The following RPL22L1 variants were observed in gnomAD, a reference collection of about 807,000 sequenced individuals.
The protein encoded by RPL22L1 is ribosomal protein eL22-like.
Under a neutral mutation model 17.3 loss-of-function variants are expected in RPL22L1, and 19 were observed. That is an observed-to-expected ratio of 1.10 (90% confidence interval 0.77 to 1.61). The LOEUF (loss-of-function observed/expected upper bound fraction) is 1.61. RPL22L1 is among the 40% of genes most tolerant of loss of function. The pLI, the probability that RPL22L1 is intolerant of heterozygous loss-of-function variation, is 0.00. For missense variants in RPL22L1, 139 were observed against 144.4 expected, an observed-to-expected ratio of 0.96 and a Z score of 0.19; for synonymous variants, 48 against 48.5, an observed-to-expected ratio of 0.99 and a Z score of 0.05.
In RPL22L1 at chr3:170,865,294, T is replaced by C. The variant is rs144086181; in HGVS notation, c.*1086A>G. 2 of 152,364 alleles carry C rather than the reference T, an allele frequency of 1.3e-5. No homozygotes were observed. The highest frequency in any genetic ancestry group is 4.8e-5 in the African/African-American group (2 of 41,592). The allele number at this position is 152,364 out of a possible 1,614,324, so 9.4% of individuals were successfully genotyped here. A position where few individuals can be genotyped will look rare whatever the true frequency, so the allele number is the denominator to read the frequency against. ...GATATGTTTGGCGACACAATTCTATTAGCATCAAGACTCATCTAAGTACCT... is the reference window on the plus strand; with the variant it reads ...GATATGTTTGGCGACACAATTCTATCAGCATCAAGACTCATCTAAGTACCT... On this transcript the variant is annotated 3_prime_UTR_variant, in exon 4 of 4. Coordinates refer to ENST00000295830, the MANE Select transcript of RPL22L1 (RefSeq NM_001099645.2).
intron 3 of RPL22L1, 21 bp downstream of exon 3, chr3:170,867,992 A>G: frequency 6.4e-7 from 1 of 1,552,166 alleles, no homozygotes; most frequent in South Asian, 1.2e-5. Flanking sequence ...TAGTTTTATT[A>G]AAATTTGCAA....
chr3:170,865,121 C>T lies in RPL22L1; in HGVS notation c.*1259G>A, dbSNP rs1385683084. 1 of 152,204 alleles carries T rather than the reference C, an allele frequency of 6.6e-6. No homozygotes were observed. The highest frequency in any genetic ancestry group is 1.5e-5 in the Non-Finnish European group (1 of 68,044). The allele number at this position is 152,204 out of a possible 1,614,324, so 9.4% of individuals were successfully genotyped here. A position where few individuals can be genotyped will look rare whatever the true frequency, so the allele number is the denominator to read the frequency against. On this transcript the variant is annotated 3_prime_UTR_variant, in exon 4 of 4. Coordinates refer to ENST00000295830, the MANE Select transcript of RPL22L1 (RefSeq NM_001099645.2). The stretch of plus-strand genomic sequence containing the variant: ...GAGCCAAGTTAGGAAGTTCAGTCAT[C>T]CAAGAATCAAGGAGTTGCTGCACTG...
intron 2 of RPL22L1, 55 bp from the exon 3 acceptor site, chr3:170,868,189 T>C (rs1368366191): frequency 1.9e-6 from 3 of 1,565,194 alleles, no homozygotes; most frequent in Non-Finnish European, 2.6e-6. Context: ...AGATATTCAC[T>C]AGGGAAGGTA....
chr3:170,866,854 C>G (rs115712328), intron 3 of RPL22L1, among the ~76,000 whole-genome samples: 314 of 152,272 alleles, frequency 2.1e-3, no homozygotes, highest in African/African-American at 7.3e-3. Flanking sequence ...TCCTTCACCA[C>G]TATCAAGCCC....
At position 170,868,063 on chromosome 3, in the gene RPL22L1, T is replaced by C. The variant is rs1220254210; in HGVS notation, c.174A>G (p.Glu58=). ...CAACTGTGATTTTATTCTTGAAGCG[T>C]TCAATGTGAACAACATTCCCGAGAT... is the stretch of plus-strand genomic sequence containing the variant. The part of the protein sequence containing the change: ...TGNLGNVVHI[E]RFKNKITVVS... Residue 58 remains glutamate (E), a synonymous_variant, in exon 3 of 4, where the codon GAA becomes GAG. Coordinates refer to ENST00000295830, the MANE Select transcript of RPL22L1 (RefSeq NM_001099645.2). The C allele has an allele frequency of 1.9e-6, 3 of 1,605,488 alleles. No individual in the cohort carries two copies. Among genetic ancestry groups the C allele is most frequent in the South Asian group, 2.2e-5 (2 of 89,876 alleles).
chr3:170,869,873 C>T (rs930978986), intron 1 of RPL22L1: 1 of 582,824 alleles, frequency 1.7e-6, no homozygotes. Context: ...GCAGTACCAC[C>T]GGCCCATTTA....
At chr3:170,867,899 A>T in intron 3 of RPL22L1, 114 bp downstream of exon 3, 1 of 851,286 alleles carries the variant, frequency 1.2e-6, no homozygotes, top group Non-Finnish European at 1.8e-6. Flanking sequence ...GTAGGCCTTT[A>T]GTCTAAAGTT....
intron 1 of RPL22L1, among the ~76,000 whole-genome samples, chr3:170,869,113 CA>C (rs35400944): frequency 0.095 from 12,384 of 130,498 alleles, 564 homozygotes; most frequent in Admixed American, 0.13. Flanking sequence ...GACTCTGTCT[CA>C]AAAAAAAAAA....
chr3:170,868,121 C>T lies in RPL22L1; in HGVS notation c.116G>A (p.Arg39Gln), dbSNP rs377049728. Residue 39 changes from arginine (R) to glutamine (Q), a missense_variant, in exon 3 of 4, where the codon CGG (arginine) becomes CAG (glutamine). Physicochemically the swap from Arg to Gln is conservative, Grantham distance 43. Coordinates refer to ENST00000295830, the MANE Select transcript of RPL22L1 (RefSeq NM_001099645.2). The part of the protein sequence containing the change: ...FDSGNFEQFL[R>Q]EKVKVNGKTG... ...TTTGCCATTGACTTTAACCTTCTCC[C>T]GTAGAAATTGCTCCTATTTTAAAAC... 1.5e-5 allele frequency: 24 copies of T among 1,605,552 alleles called. No individual in the cohort carries two copies. Among genetic ancestry groups the T allele is most frequent in the Admixed American group, 1.7e-5 (1 of 58,818 alleles).
chr3:170,869,383 T>C (rs1002768445), intron 1 of RPL22L1, among the ~76,000 whole-genome samples: 2 of 152,176 alleles, frequency 1.3e-5, no homozygotes, highest in African/African-American at 4.8e-5. Flanking sequence ...AATTACCCAG[T>C]TGGCGCAGAA....
intron 1 of RPL22L1, 125 bp downstream of exon 1, chr3:170,870,034 C>T: frequency 7.1e-7 from 1 of 1,411,204 alleles, no homozygotes; most frequent in Non-Finnish European, 9.9e-7. Flanking sequence ...GTTTCTGACC[C>T]AGACTTCACT....
At position 170,866,139 on chromosome 3, in the gene RPL22L1, C is replaced by T; in HGVS notation, c.*241G>A. 3.2e-6 allele frequency: 1 copy of T among 316,128 alleles called. No homozygotes were observed. The highest frequency in any genetic ancestry group is 5.7e-6 in the Non-Finnish European group (1 of 174,018). 19.6% of individuals were successfully genotyped at this position (316,128 alleles called of 1,614,324 possible). On this transcript the variant is annotated 3_prime_UTR_variant, in exon 4 of 4. Coordinates refer to ENST00000295830, the MANE Select transcript of RPL22L1 (RefSeq NM_001099645.2). ...ATATAACGCTACTTTTACCTGAGTA[C>T]ATAAAAGATTTTGGAAATCGTGGGA...
At position 170,868,382 on chromosome 3, in the gene RPL22L1, G is replaced by A; in HGVS notation, c.18C>T (p.Asp6=). MAPQK[D]RKPKRSTWRF... ...TCCAGGTTGACCTCTTGGGCTTCCTGTCTTTCTGCTACATAAATGAGAAAT... is the reference window on the plus strand; with the variant it reads ...TCCAGGTTGACCTCTTGGGCTTCCTATCTTTCTGCTACATAAATGAGAAAT... The change falls in exon 2 of 4, where the codon GAC becomes GAT. Residue 6 remains aspartate, a synonymous_variant. Coordinates refer to ENST00000295830, the MANE Select transcript of RPL22L1 (RefSeq NM_001099645.2). 1 of 1,590,492 alleles carries A rather than the reference G, an allele frequency of 6.3e-7. No individual in the cohort carries two copies.
chr3:170,868,485 T>G (rs1711857479), intron 1 of RPL22L1, 95 bp from the exon 2 acceptor site: 3 of 724,016 alleles, frequency 4.1e-6, no homozygotes, highest in South Asian at 1.8e-5. Context: ...ATCTGTACAA[T>G]GTACTGTTAG....
chr3:170,868,258 ACT>A (rs1475999964), intron 2 of RPL22L1, 38 bp downstream of exon 2: 18 of 1,490,458 alleles, frequency 1.2e-5, no homozygotes, highest in African/African-American at 4.2e-5. Context: ...ATTATCAATA[ACT>A]CTGATTACAA....
chr3:170,867,925 A>G, intron 3 of RPL22L1, 88 bp downstream of exon 3: 1 of 1,087,796 alleles, frequency 9.2e-7, no homozygotes, highest in Non-Finnish European at 1.3e-6. Flanking sequence ...TTATTCTTGC[A>G]TATAAACAGA....
At chr3:170,867,983 A>G (rs1711833136) in intron 3 of RPL22L1, 30 bp downstream of exon 3, 6 of 1,507,210 alleles carry the variant, frequency 4.0e-6, no homozygotes, top group Non-Finnish European at 5.4e-6. Flanking sequence ...AAACTACTAT[A>G]GTTTTATTAA....
chr3:170,869,276 C>T (rs1238974926), intron 1 of RPL22L1, among the ~76,000 whole-genome samples: 1 of 152,172 alleles, frequency 6.6e-6, no homozygotes, highest in Non-Finnish European at 1.5e-5. Context: ...CTGTATTTAT[C>T]AGACTATAAC....
chr3:170,869,347 T>G (rs1039358303), intron 1 of RPL22L1, among the ~76,000 whole-genome samples: 1 of 152,204 alleles, frequency 6.6e-6, no homozygotes, highest in African/African-American at 2.4e-5. Context: ...CTTTCTCAGG[T>G]AGCATGGTAA....
Sources: gnomAD v4.1 joint callset for allele counts (sites outside exome capture counted in the v4.1 genomes callset) on GRCh38, gnomAD v4.1.1 for gene constraint, MANE v1.5 for transcripts, NCBI Gene and HGNC (gene_info 2026-07-23, HGNC 2026-07-21) for gene names.